The following PDE1A variants were observed in gnomAD, a reference collection of about 807,000 sequenced individuals.
PDE1A encodes the protein phosphodiesterase 1A.
PDE1A carries 35 observed loss-of-function variants against 61.7 expected under a neutral mutation model. The observed-to-expected ratio is 0.57, with a 90% CI of 0.43 to 0.75. The LOEUF is 0.75. Among genes scored for constraint, PDE1A ranks in the 30% least tolerant of loss-of-function variants. PDE1A has a pLI of 0.00. For synonymous variants in PDE1A, 232 were observed against 213.2 expected (o/e 1.09, Z -0.77); for missense variants, 597 against 630.6 (o/e 0.95, Z 0.57).
At chr2:182,406,611 T>C (rs1702310861) in intron 1 of PDE1A, among the ~76,000 whole-genome samples, 1 of 152,134 alleles carries the variant, frequency 6.6e-6, no homozygotes, top group South Asian at 2.1e-4. Flanking sequence ...GCATGTTGGA[T>C]ATTGGAGTAG....
intron 13 of PDE1A, among the ~76,000 whole-genome samples, chr2:182,160,057 G>C (rs1481028637): frequency 1.3e-5 from 2 of 152,118 alleles, no homozygotes; most frequent in Non-Finnish European, 2.9e-5. Context: ...AACTATTTTT[G>C]TGATCCTCAC....
At chr2:182,391,959 C>T (rs574787399) in intron 1 of PDE1A, among the ~76,000 whole-genome samples, 2 of 152,270 alleles carry the variant, frequency 1.3e-5, no homozygotes, top group Admixed American at 6.5e-5. Flanking sequence ...AGTTTTCAGA[C>T]TTGAACCAGT....
the PDE1A span, among the ~76,000 whole-genome samples, chr2:182,573,556 C>T: frequency 6.8e-4 from 103 of 151,978 alleles, 1 homozygote; most frequent in African/African-American, 2.1e-3. Context: ...CTTAATAGAT[C>T]CTGGTTTGAA....
intron 1 of PDE1A, among the ~76,000 whole-genome samples, chr2:182,282,536 G>T (rs948262751): frequency 6.6e-6 from 1 of 151,898 alleles, no homozygotes; most frequent in East Asian, 1.9e-4. Context: ...TCAACTCTCA[G>T]CTCTATTGCA....
chr2:182,404,750 T>A lies in PDE1A; in HGVS notation c.53+21828A>T, dbSNP rs192069845. ...TATCACTGTCTTCCTCCTCCATATC[T>A]TGTCCCCATGGAAGTTTTTTGGGGG... On this transcript the variant is annotated intron_variant, in intron 1 of 13. Coordinates refer to ENST00000351439, the Ensembl canonical transcript of PDE1A. Among the ~76,000 whole-genome samples the A allele has an allele frequency of 5.9e-5, 9 of 152,308 alleles. No individual in the cohort carries two copies. In the East Asian group the frequency reaches 1.7e-3, roughly 29 times the overall value.
intron 2 of PDE1A, among the ~76,000 whole-genome samples, chr2:182,435,666 CAGTGGAAAGCTGTTCAAAAGT>C (rs1263487620): frequency 3.3e-5 from 5 of 152,064 alleles, no homozygotes; most frequent in Non-Finnish European, 5.9e-5. Context: ...ATTCTTCAGT[CAGTGGAAAGCTGTTCAAAAGT>C]AGCTGCATAC....
Position 182,264,426 on chromosome 2 carries a change from A to G in PDE1A, c.54-12T>C. On this transcript the variant is annotated splice_polypyrimidine_tract_variant and intron_variant, in intron 1 of 13. Transcript: ENST00000351439. ...CCAAGCATCTTAGTCTATTTCAAAA[A>G]AGTAGCCAAAGAGAGAAAGAGCAAG... 1 of 1,587,644 alleles carries G rather than the reference A, an allele frequency of 6.3e-7. No individual in the cohort carries two copies. Among genetic ancestry groups the G allele is most frequent in the Non-Finnish European group, 8.6e-7 (1 of 1,157,034 alleles).
chr2:182,231,176 T>C (rs1689548676), intron 4 of PDE1A, 45 bp from the exon 5 acceptor site: 1 of 946,492 alleles, frequency 1.1e-6, no homozygotes, highest in Non-Finnish European at 1.7e-6. Context: ...TATCATACTG[T>C]TTCTACGAGA....
chr2:182,539,340 C>T, the PDE1A span, among the ~76,000 whole-genome samples: 1 of 152,170 alleles, frequency 6.6e-6, no homozygotes. Flanking sequence ...TTTCCCTGTC[C>T]TCCCACTAGC....
In PDE1A at chr2:182,449,819, T is replaced by C. The variant is rs746349965; in HGVS notation, c.101+72457A>G. 4.6e-5 allele frequency among the ~76,000 whole-genome samples: 7 copies of C among 152,026 alleles called. No homozygotes were observed. In the South Asian group the frequency reaches 6.2e-4, roughly 14 times the overall value. ...CTGTCTCACCTTCATATTACTAAAA[T>C]AGGCTTGAGAATAATAACTACTACA... is the stretch of plus-strand genomic sequence containing the variant. On this transcript the variant is annotated intron_variant, in intron 2 of 14. Coordinates refer to the PDE1A transcript ENST00000410103.
chr2:182,182,755 C>T (rs899255824), intron 13 of PDE1A, among the ~76,000 whole-genome samples: 2 of 151,742 alleles, frequency 1.3e-5, no homozygotes, highest in African/African-American at 4.8e-5. Context: ...GCTTGGCCTC[C>T]TAGATAATGT....
At chr2:182,345,017 A>G (rs1229071114) in intron 1 of PDE1A, among the ~76,000 whole-genome samples, 1 of 152,204 alleles carries the variant, frequency 6.6e-6, no homozygotes, top group Non-Finnish European at 1.5e-5. Context: ...CTCTTCTCTT[A>G]GAATCAACCA....
At chr2:182,536,019 TCACTGTA>T in the PDE1A span, among the ~76,000 whole-genome samples, 1 of 152,092 alleles carries the variant, frequency 6.6e-6, no homozygotes, top group Non-Finnish European at 1.5e-5. Flanking sequence ...GCGAGTAGGG[TCACTGTA>T]CCACACAGCT....
At chr2:182,412,905 T>C (rs575851104) in intron 1 of PDE1A, among the ~76,000 whole-genome samples, 58 of 152,330 alleles carry the variant, frequency 3.8e-4, no homozygotes, top group Admixed American at 3.9e-4. Context: ...ACTACTGCCA[T>C]GCAAGTTCAA....
At chr2:182,448,332 A>G (rs1322690655) in intron 2 of PDE1A, among the ~76,000 whole-genome samples, 5 of 151,134 alleles carry the variant, frequency 3.3e-5, no homozygotes, top group Non-Finnish European at 7.4e-5. Context: ...TATCATTTAG[A>G]TTTTTTTTTG....
At chr2:182,477,822 C>T (rs541513034) in intron 2 of PDE1A, among the ~76,000 whole-genome samples, 17 of 152,044 alleles carry the variant, frequency 1.1e-4, no homozygotes, top group African/African-American at 4.1e-4. Context: ...CCCTTTCATG[C>T]TTTTGACAGA....
At chr2:182,471,156 A>G (rs1034323894) in intron 2 of PDE1A, among the ~76,000 whole-genome samples, 3 of 151,826 alleles carry the variant, frequency 2.0e-5, no homozygotes, top group African/African-American at 7.2e-5. Context: ...ATCTAAAGCC[A>G]TCAGCTATAA....
At chr2:182,408,962 C>A (rs991136843) in intron 1 of PDE1A, among the ~76,000 whole-genome samples, 2 of 152,212 alleles carry the variant, frequency 1.3e-5, no homozygotes, top group Non-Finnish European at 2.9e-5. Context: ...CAGCTAGTGG[C>A]TGAGCAGGGA....
chr2:182,505,394 G>A (rs573750927), intron 2 of PDE1A, among the ~76,000 whole-genome samples: 41 of 152,100 alleles, frequency 2.7e-4, no homozygotes, highest in South Asian at 8.3e-4. Context: ...GCAGAGGAAT[G>A]GGGAAAAACA....
Sources: allele counts gnomAD v4.1 joint callset (sites outside exome capture counted in the v4.1 genomes callset), GRCh38; gene constraint gnomAD v4.1.1; transcripts MANE v1.5; gene names NCBI Gene and HGNC (gene_info 2026-07-23, HGNC 2026-07-21).